The following SYNDIG1 variants were observed in gnomAD, a reference collection of about 807,000 sequenced individuals.
SYNDIG1 encodes the protein synapse differentiation-inducing gene protein 1.
SYNDIG1 carries 9 observed loss-of-function variants against 19.4 expected under a neutral mutation model. The ratio of observed to expected loss-of-function variants is 0.46; its 90% CI spans 0.28 to 0.81. The LOEUF is 0.81. Among genes scored for constraint, SYNDIG1 ranks in the 30% least tolerant of loss-of-function variants. SYNDIG1 has a pLI of 0.12. For missense variants in SYNDIG1, 311 were observed against 343.3 expected, an observed-to-expected ratio of 0.91 and a Z score of 0.74; for synonymous variants, 141 against 145.9, an observed-to-expected ratio of 0.97 and a Z score of 0.24.
rs562843289 is a variant in SYNDIG1 at position 24,633,083 on chromosome 20, G to A, written c.619-32263G>A. 3.3e-5 allele frequency among the ~76,000 whole-genome samples: 5 copies of A among 152,122 alleles called. No individual in the cohort carries two copies. In the South Asian group the frequency reaches 1.0e-3, roughly 32 times the overall value. ...TCCTCCCCCGAGGAAAATCAGAGGCGATGGGCAGACCGTGTCGAATCTGAA... is the reference window on the plus strand; with the variant it reads ...TCCTCCCCCGAGGAAAATCAGAGGCAATGGGCAGACCGTGTCGAATCTGAA... On this transcript the variant is annotated intron_variant, in intron 3 of 3. Coordinates refer to ENST00000376862, the MANE Select transcript of SYNDIG1 (RefSeq NM_024893.3).
At chr20:24,495,046 C>T (rs915091779) in intron 1 of SYNDIG1, among the ~76,000 whole-genome samples, 7 of 152,176 alleles carry the variant, frequency 4.6e-5, no homozygotes, top group East Asian at 1.9e-4. Context: ...AATGCATCTG[C>T]GGTAGTCATG....
chr20:24,595,432 A>G (rs967266185), intron 3 of SYNDIG1, among the ~76,000 whole-genome samples: 1 of 152,082 alleles, frequency 6.6e-6, no homozygotes, highest in Non-Finnish European at 1.5e-5. Context: ...ATCTATGTTT[A>G]TTAAGTATAT....
chr20:24,582,452 CCTTCCCCCTGCACGTG>C (rs1392453106), intron 2 of SYNDIG1, among the ~76,000 whole-genome samples: 2 of 136,610 alleles, frequency 1.5e-5, no homozygotes, highest in Admixed American at 1.4e-4. Context: ...CCCTTCACAT[CCTTCCCCCTGCACGTG>C]CTTCCCCCTG....
chr20:24,658,805 A>G lies in SYNDIG1; in HGVS notation c.619-6541A>G, dbSNP rs997570128. On this transcript the variant is annotated intron_variant, in intron 3 of 3. Transcript: ENST00000376862. The surrounding 1 kb of genome is among the most constrained non-coding windows in gnomAD (Gnocchi z 4.4). ...GTCTGCCTCGTTTTCTCCCAGATCC[A>G]TGCTGTCCAGTGTGGGACCCCCAGC... 1.3e-5 allele frequency among the ~76,000 whole-genome samples: 2 copies of G among 152,058 alleles called. No individual in the cohort carries two copies. Among genetic ancestry groups the G allele is most frequent in the African/African-American group, 4.8e-5 (2 of 41,394 alleles).
intron 3 of SYNDIG1, among the ~76,000 whole-genome samples, chr20:24,649,724 C>T (rs4815295): frequency 0.4 from 61,148 of 151,986 alleles, 13,765 homozygotes; most frequent in African/African-American, 0.6. Context: ...ACCCCCAGTC[C>T]TGTTTCCTGA....
rs1469575383 is a variant in SYNDIG1, at chr20:24,666,490, G to A, written c.*986G>A. 1 of 152,662 alleles carries A rather than the reference G, an allele frequency of 6.6e-6. No homozygotes were observed. Among genetic ancestry groups the A allele is most frequent in the African/African-American group, 2.4e-5 (1 of 41,458 alleles). 9.5% of individuals were successfully genotyped at this position (152,662 alleles called of 1,614,324 possible). ...TTGCTTCATGCTGCTTAAGTTACCA[G>A]ATGAATGCTGAGAAATAAGTAATCA... On this transcript the variant is annotated 3_prime_UTR_variant, in exon 4 of 4. Transcript: ENST00000376862.
At chr20:24,521,763 G>C (rs1405844511) in intron 1 of SYNDIG1, among the ~76,000 whole-genome samples, 1 of 151,876 alleles carries the variant, frequency 6.6e-6, no homozygotes, top group Non-Finnish European at 1.5e-5. Context: ...AGCTGGGTGT[G>C]GTGGTGCATG....
In SYNDIG1 at chr20:24,581,790, G is replaced by A. The variant is rs59861353; in HGVS notation, c.481-3066G>A. ...GTGCTCCATGTTGCACATCCTCCCC[G>A]CTGCATGTCCTCCCAACTGGACTTC... On this transcript the variant is annotated intron_variant, in intron 2 of 3. Transcript: ENST00000376862. Among the ~76,000 whole-genome samples, 486 of 145,800 alleles carry A rather than the reference G, an allele frequency of 3.3e-3. 4 individuals are homozygous for A. The highest frequency in any genetic ancestry group is 0.012 in the African/African-American group (458 of 39,162).
At chr20:24,584,161 C>T (rs1018412263) in intron 2 of SYNDIG1, among the ~76,000 whole-genome samples, 3 of 152,200 alleles carry the variant, frequency 2.0e-5, no homozygotes, top group Non-Finnish European at 2.9e-5. Flanking sequence ...CACCAGGCCA[C>T]AGAGCAGAAG....
intron 1 of SYNDIG1, among the ~76,000 whole-genome samples, chr20:24,493,447 A>G (rs1816921111): frequency 1.3e-5 from 2 of 152,114 alleles, no homozygotes; most frequent in Admixed American, 6.5e-5. Context: ...ATACATGGGC[A>G]TACACAGGTA....
chr20:24,501,875 G>C (rs1166586039), intron 1 of SYNDIG1, among the ~76,000 whole-genome samples: 1 of 152,224 alleles, frequency 6.6e-6, no homozygotes, highest in Non-Finnish European at 1.5e-5. Context: ...CACCTCTGCA[G>C]GCCCCGAGCT....
chr20:24,586,305 G>A (rs568973849), intron 3 of SYNDIG1, among the ~76,000 whole-genome samples: 1 of 152,324 alleles, frequency 6.6e-6, no homozygotes, highest in Admixed American at 6.5e-5. Flanking sequence ...TTGAGCGTCT[G>A]TCGGAGCTTC....
At chr20:24,599,458 T>C (rs2058645367) in intron 3 of SYNDIG1, among the ~76,000 whole-genome samples, 1 of 152,150 alleles carries the variant, frequency 6.6e-6, no homozygotes. Context: ...TAGAATACCT[T>C]TGACCCAGCA....
At chr20:24,600,479 C>T (rs76170579) in intron 3 of SYNDIG1, among the ~76,000 whole-genome samples, 4,577 of 152,242 alleles carry the variant, frequency 0.03, 223 homozygotes, top group African/African-American at 0.1. Flanking sequence ...TCCTCCTTAT[C>T]GCTGCCCTTC....
intron 1 of SYNDIG1, among the ~76,000 whole-genome samples, chr20:24,478,325 T>C (rs1600381366): frequency 6.6e-6 from 1 of 151,544 alleles, no homozygotes; most frequent in Admixed American, 6.6e-5. Context: ...GAGGGAGGGG[T>C]GGAGACTGAG....
intron 2 of SYNDIG1, among the ~76,000 whole-genome samples, chr20:24,554,479 A>C (rs974568049): frequency 6.6e-6 from 1 of 152,250 alleles, no homozygotes; most frequent in Non-Finnish European, 1.5e-5. Context: ...GATATGTCCC[A>C]TCAATACCTA....
At chr20:24,612,904 T>C (rs2058872057) in intron 3 of SYNDIG1, among the ~76,000 whole-genome samples, 2 of 152,222 alleles carry the variant, frequency 1.3e-5, no homozygotes, top group South Asian at 2.1e-4. Flanking sequence ...GGCCATCACA[T>C]GCTGAGCGCT....
At chr20:24,523,568 A>C (rs911978090) in intron 1 of SYNDIG1, among the ~76,000 whole-genome samples, 2 of 152,240 alleles carry the variant, frequency 1.3e-5, no homozygotes, top group African/African-American at 4.8e-5. Flanking sequence ...CAGCTCCTGA[A>C]TCATAACCCC....
chr20:24,507,363 C>T (rs1212563108), intron 1 of SYNDIG1, among the ~76,000 whole-genome samples: 1 of 152,242 alleles, frequency 6.6e-6, no homozygotes, highest in African/African-American at 2.4e-5. Context: ...GATTCATCAT[C>T]TATATTCTCA....
Sources: gnomAD v4.1 joint callset for allele counts (sites outside exome capture counted in the v4.1 genomes callset) on GRCh38, gnomAD v4.1.1 for gene constraint, Gnocchi (gnomAD v3.1) non-coding constraint, MANE v1.5 for transcripts, NCBI Gene and HGNC (gene_info 2026-07-23, HGNC 2026-07-21) for gene names.